The following AMDHD1 variants were observed in gnomAD, a reference collection of about 807,000 sequenced individuals.
AMDHD1 encodes the protein probable imidazolonepropionase.
AMDHD1 carries 45 observed loss-of-function variants against 44.1 expected under a neutral mutation model. That is an observed-to-expected ratio of 1.02 (90% confidence interval 0.80 to 1.31). The LOEUF is 1.31. Among genes scored for constraint, AMDHD1 ranks in the 50% most tolerant of loss-of-function variants. The pLI is 0.00. For missense variants in AMDHD1, 586 were observed against 552.1 expected (o/e 1.06, Z -0.61); for synonymous variants, 206 against 205.0 (o/e 1.00, Z -0.04).
Position 95,965,667 on chromosome 12 carries a change from A to AT in AMDHD1, c.939-12dup. ...AAGCTCCCATTCTAGAGACTGACAT[A>AT]TTTTTTTCCTCCCCTTAGACTGAAA... On this transcript the variant is annotated intron_variant, in intron 6 of 8. Transcript: ENST00000266736. The AT allele has an allele frequency of 6.3e-7, 1 of 1,578,942 alleles. No individual in the cohort carries two copies. Among genetic ancestry groups the AT allele is most frequent in the Non-Finnish European group, 8.7e-7 (1 of 1,154,542 alleles).
intron 6 of AMDHD1, among the ~76,000 whole-genome samples, chr12:95,964,307 C>T (rs558172872): frequency 2.0e-5 from 3 of 152,118 alleles, no homozygotes; most frequent in Non-Finnish European, 2.9e-5. Context: ...CAGCAGGGCC[C>T]CCTGCTCTCC....
Position 95,943,550 on chromosome 12 carries a change from G to T in AMDHD1, c.137+15G>T. ...GTGGTGGGCAAGTAAGTGGCCGGGCGCGCAGGGTGGGGACCGCCACGGGCG... is the reference window on the plus strand; with the variant it reads ...GTGGTGGGCAAGTAAGTGGCCGGGCTCGCAGGGTGGGGACCGCCACGGGCG... On this transcript the variant is annotated intron_variant, in intron 1 of 8. Transcript: ENST00000266736. The T allele has an allele frequency of 2.1e-6, 3 of 1,437,418 alleles. No homozygotes were observed. The highest frequency in any genetic ancestry group is 2.7e-5 in the Admixed American group (1 of 37,722). 89.0% of individuals were successfully genotyped at this position (1,437,418 alleles called of 1,614,324 possible).
chr12:95,964,953 A>AAAAAAAAAAAAAAG (rs2080602064), intron 6 of AMDHD1, among the ~76,000 whole-genome samples: 1 of 142,798 alleles, frequency 7.0e-6, no homozygotes, highest in African/African-American at 2.6e-5. Context: ...AAAAAAAAAG[A>AAAAAAAAAAAAAAG]GGGCAAAGGG....
intron 1 of AMDHD1, among the ~76,000 whole-genome samples, chr12:95,946,061 CTG>C (rs56658923): frequency 1.8e-3 from 217 of 122,242 alleles, no homozygotes; most frequent in East Asian, 3.2e-3. Flanking sequence ...CTCTTTCTCT[CTG>C]TGTGTGTGTG....
intron 5 of AMDHD1, among the ~76,000 whole-genome samples, 173 bp from the exon 6 acceptor site, chr12:95,962,182 C>T (rs1416163126): frequency 6.6e-6 from 1 of 152,202 alleles, no homozygotes; most frequent in Admixed American, 6.5e-5. Flanking sequence ...GGGAGAATTG[C>T]TTGAACCCAG....
At chr12:95,962,311 G>A (rs2080586338) in intron 5 of AMDHD1, 44 bp from the exon 6 acceptor site, 4 of 1,580,126 alleles carry the variant, frequency 2.5e-6, no homozygotes, top group Non-Finnish European at 2.6e-6. Context: ...TGGATTCGTT[G>A]TTGCTATTTG....
rs17024908 is a variant in AMDHD1, at chr12:95,966,533, T to A, written c.1193+25T>A. ...GGTGAGTGTGCTTCAACTTAGCTCT[T>A]TTATATTATGCCCACTGAAGTATGC... On this transcript the variant is annotated intron_variant, in intron 8 of 8. Transcript: ENST00000266736. 3.1e-3 allele frequency: 4,977 copies of A among 1,613,566 alleles called. 116 individuals carry two copies. The African/African-American group carries it at 0.054, about 18-fold the overall frequency.
chr12:95,951,317 A>G (rs182199429), intron 1 of AMDHD1, among the ~76,000 whole-genome samples: 47 of 152,290 alleles, frequency 3.1e-4, no homozygotes, highest in Admixed American at 1.1e-3. Flanking sequence ...TTTAGCTCCC[A>G]CAAATGAATG....
At position 95,967,736 on chromosome 12, in the gene AMDHD1, G is replaced by T. The variant is rs201333155; in HGVS notation, c.1194-20G>T. On this transcript the variant is annotated intron_variant, in intron 8 of 8. Coordinates refer to ENST00000266736, the MANE Select transcript of AMDHD1 (RefSeq NM_152435.3). The stretch of plus-strand genomic sequence containing the variant: ...TGCACACATTGAAGTAATATTTGTT[G>T]TTTTTTTTTTTTTTTCTAGATGGGA... 315 of 1,259,604 alleles carry T rather than the reference G, an allele frequency of 2.5e-4. No homozygotes were observed. Among genetic ancestry groups the T allele is most frequent in the East Asian group, 8.1e-4 (28 of 34,694 alleles). 78.0% of individuals were successfully genotyped at this position (1,259,604 alleles called of 1,614,324 possible).
At chr12:95,943,893 T>C (rs1297027850) in intron 1 of AMDHD1, among the ~76,000 whole-genome samples, 1 of 152,140 alleles carries the variant, frequency 6.6e-6, no homozygotes, top group African/African-American at 2.4e-5. Context: ...TTACGGCAGA[T>C]TTCTGATTCC....
Position 95,956,731 on chromosome 12 carries a change from TC to T in AMDHD1, c.358del (p.His120ThrfsTer26). 6.2e-7 allele frequency: 1 copy of T among 1,614,148 alleles called. No individual in the cohort carries two copies. The highest frequency in any genetic ancestry group is 8.5e-7 in the Non-Finnish European group (1 of 1,180,036). Reference sequence around the variant, plus strand: ...GAAATTCACCAGGCCGGAGGAGGGATCCACTTTACCGTGGAGCGCACGCGCC... The same window carrying T: ...GAAATTCACCAGGCCGGAGGAGGGATCACTTTACCGTGGAGCGCACGCGCC... ...YMEIHQAGGGIHFTVERTRQA... is the reference protein window; with the variant it reads ...YMEIHQAGGGXHFTVERTRQA... On this transcript the variant is annotated frameshift_variant, in exon 4 of 9. Transcript: ENST00000266736. LOFTEE classifies it high-confidence loss of function.
chr12:95,964,118 G>A (rs1004202177), intron 6 of AMDHD1, among the ~76,000 whole-genome samples: 3 of 151,844 alleles, frequency 2.0e-5, no homozygotes, highest in Admixed American at 6.6e-5. Flanking sequence ...TGGTACTGGA[G>A]GGCAATTCAG....
intron 8 of AMDHD1, among the ~76,000 whole-genome samples, 155 bp downstream of exon 8, chr12:95,966,663 TCTA>T (rs1420104750): frequency 6.6e-6 from 1 of 152,208 alleles, no homozygotes; most frequent in African/African-American, 2.4e-5. Context: ...AAAGAGCAAA[TCTA>T]CTGACAGACC....
intron 5 of AMDHD1, among the ~76,000 whole-genome samples, chr12:95,961,144 CA>C (rs3051622): frequency 0.18 from 23,734 of 129,546 alleles, 2,526 homozygotes; most frequent in East Asian, 0.46. Context: ...GACTCCATCT[CA>C]AAAAAAAAAA....
At chr12:95,945,037 G>T (rs7487498) in intron 1 of AMDHD1, among the ~76,000 whole-genome samples, 2 of 151,386 alleles carry the variant, frequency 1.3e-5, no homozygotes, top group African/African-American at 2.4e-5. Flanking sequence ...GGGAGGCTGA[G>T]GCAGGAGAAT....
chr12:95,965,516 G>A (rs1250181436), intron 6 of AMDHD1, among the ~76,000 whole-genome samples, 170 bp from the exon 7 acceptor site: 2 of 152,188 alleles, frequency 1.3e-5, no homozygotes, highest in Non-Finnish European at 2.9e-5. Flanking sequence ...TAAAAATCAG[G>A]AGTCCTTGGA....
chr12:95,956,996 C>G, intron 4 of AMDHD1, 34 bp downstream of exon 4: 2 of 1,608,300 alleles, frequency 1.2e-6, no homozygotes, highest in African/African-American at 1.3e-5. Context: ...GGGTTTAACT[C>G]AGAGCATTGA....
rs143959266 is a variant in AMDHD1, at chr12:95,968,505, G to A, written c.*662G>A. ...CCAACTACAATCATGTAATTTTTTT[G>A]GAAATTTTTTAAAATTTTCGATTCT... On this transcript the variant is annotated 3_prime_UTR_variant, in exon 9 of 9. Coordinates refer to ENST00000266736, the MANE Select transcript of AMDHD1 (RefSeq NM_152435.3). 332 of 152,066 alleles carry A rather than the reference G, an allele frequency of 2.2e-3. 1 individual carries two copies. Among genetic ancestry groups the A allele is most frequent in the African/African-American group, 7.6e-3 (314 of 41,500 alleles). The allele number at this position is 152,066 out of a possible 1,614,324, so 9.4% of individuals were successfully genotyped here. A position where few individuals can be genotyped will look rare whatever the true frequency, so the allele number is the denominator to read the frequency against.
intron 4 of AMDHD1, among the ~76,000 whole-genome samples, chr12:95,959,043 G>C (rs1374200430): frequency 6.7e-6 from 1 of 149,870 alleles, no homozygotes; most frequent in Non-Finnish European, 1.5e-5. Flanking sequence ...CAACAAGAGC[G>C]AAACTCTGTC....
Sources: allele counts gnomAD v4.1 joint callset (sites outside exome capture counted in the v4.1 genomes callset), GRCh38; gene constraint gnomAD v4.1.1; transcripts MANE v1.5; gene names NCBI Gene and HGNC (gene_info 2026-07-23, HGNC 2026-07-21).